The following SORCS2 variants were observed in gnomAD, a reference collection of about 807,000 sequenced individuals.
The protein encoded by SORCS2 is sortilin related VPS10 domain containing receptor 2, also known as VPS10 domain-containing receptor SorCS2.
Under a neutral mutation model 141.6 loss-of-function variants are expected in SORCS2, and 100 were observed. That is an observed-to-expected ratio of 0.71 (90% CI 0.60 to 0.83). The LOEUF (loss-of-function observed/expected upper bound fraction) is 0.83. Ranked by LOEUF, SORCS2 falls within the 40% of genes least tolerant of loss-of-function variation. The pLI is 0.00. For synonymous variants in SORCS2, 789 were observed against 676.9 expected, an observed-to-expected ratio of 1.17 and a Z score of -2.57; for missense variants, 1,646 against 1,560.2, an observed-to-expected ratio of 1.05 and a Z score of -0.93.
In SORCS2 at chr4:7,638,399, C is replaced by G. The variant is rs766354670; in HGVS notation, c.720C>G (p.Thr240=). The G allele has an allele frequency of 6.3e-7, 1 of 1,587,270 alleles. No homozygotes were observed. The highest frequency in any genetic ancestry group is 1.2e-5 in the South Asian group (1 of 86,640). Residue 240 remains threonine, a synonymous_variant, in exon 4 of 27, where the codon ACC becomes ACG. Coordinates refer to ENST00000507866, the MANE Select transcript of SORCS2 (RefSeq NM_020777.3). ...TCCTCAGCGCAGACGAAGGCGCCAC[C>G]TTTCAGAAGCAGCCCATTCCCTTCT... The part of the protein sequence containing the change: ...SLFLSADEGA[T]FQKQPIPFFV...
At chr4:7,194,610 G>A (rs1727057715) in intron 1 of SORCS2, among the ~76,000 whole-genome samples, 1 of 152,114 alleles carries the variant, frequency 6.6e-6, no homozygotes, top group Non-Finnish European at 1.5e-5. Context: ...GGCCAGCAGG[G>A]GGCAGTCAGG....
At chr4:7,651,771 G>A (rs1003791132) in intron 4 of SORCS2, among the ~76,000 whole-genome samples, 1 of 152,042 alleles carries the variant, frequency 6.6e-6, no homozygotes, top group Non-Finnish European at 1.5e-5. Flanking sequence ...CTTGACCCCC[G>A]CAGGGCCTGC....
At chr4:7,502,808 C>G (rs1732055270) in intron 2 of SORCS2, among the ~76,000 whole-genome samples, 1 of 152,254 alleles carries the variant, frequency 6.6e-6, no homozygotes, top group Admixed American at 6.5e-5. Flanking sequence ...GCCTTGCCCC[C>G]ACGGCATGCC....
chr4:7,710,886 C>T (rs909062081), intron 14 of SORCS2, among the ~76,000 whole-genome samples: 1 of 152,224 alleles, frequency 6.6e-6, no homozygotes, highest in South Asian at 2.1e-4. Context: ...CATTTCCCCA[C>T]TCCTCTGAGA....
At chr4:7,591,843 G>A (rs1716936534) in intron 3 of SORCS2, among the ~76,000 whole-genome samples, 1 of 152,158 alleles carries the variant, frequency 6.6e-6, no homozygotes, top group South Asian at 2.1e-4. Flanking sequence ...CTTGAGTCCC[G>A]CTGCCTGCGC....
chr4:7,376,084 T>C (rs529318048), intron 1 of SORCS2, among the ~76,000 whole-genome samples: 30 of 152,346 alleles, frequency 2.0e-4, no homozygotes, highest in African/African-American at 7.2e-4. Flanking sequence ...GAAGCAGTCC[T>C]TGGCACATGG....
chr4:7,708,951 C>T (rs1355684107), intron 14 of SORCS2, among the ~76,000 whole-genome samples: 1 of 152,158 alleles, frequency 6.6e-6, no homozygotes, highest in Non-Finnish European at 1.5e-5. Flanking sequence ...CTGGCCAGGC[C>T]CTGGATGCAT....
At chr4:7,291,801 G>A (rs956112381) in intron 1 of SORCS2, among the ~76,000 whole-genome samples, 11 of 152,170 alleles carry the variant, frequency 7.2e-5, no homozygotes, top group Admixed American at 3.3e-4. Flanking sequence ...TTATGGACAC[G>A]GAAGCCGATA....
At chr4:7,569,742 A>AT (rs1715258804) in intron 3 of SORCS2, among the ~76,000 whole-genome samples, 2 of 152,220 alleles carry the variant, frequency 1.3e-5, no homozygotes, top group South Asian at 4.1e-4. Context: ...CTCTACACAT[A>AT]TAATACAACA....
chr4:7,204,483 G>A (rs1055054809), intron 1 of SORCS2, among the ~76,000 whole-genome samples: 1 of 152,182 alleles, frequency 6.6e-6, no homozygotes, highest in Non-Finnish European at 1.5e-5. Context: ...CTCCAAAAGT[G>A]TTGAGATTGT....
chr4:7,235,120 C>A (rs1712174482), intron 1 of SORCS2, among the ~76,000 whole-genome samples: 1 of 152,222 alleles, frequency 6.6e-6, no homozygotes. Context: ...AGTGATTTCC[C>A]CTCCTGGAGC....
intron 3 of SORCS2, among the ~76,000 whole-genome samples, chr4:7,543,968 CCATCCACCCATCCGTCCATCCATCCACT>C (rs1577724978): frequency 6.8e-6 from 1 of 147,434 alleles, no homozygotes; most frequent in African/African-American, 2.5e-5. Flanking sequence ...ATCCATCCAT[CCATCCACCCATCCGTCCATCCATCCACT>C]CATCCATCCA....
intron 2 of SORCS2, among the ~76,000 whole-genome samples, chr4:7,524,246 G>C (rs1001437211): frequency 6.6e-6 from 1 of 152,174 alleles, no homozygotes; most frequent in African/African-American, 2.4e-5. Context: ...ATGTGAAATC[G>C]AGGCAGAGAG....
rs1335600333 is a variant in SORCS2 at position 7,682,759 on chromosome 4, G to A, written c.1358G>A (p.Gly453Glu). The change falls in exon 10 of 27, where the codon GGA becomes GAA. Residue 453 changes from glycine (G) to glutamate (E), a missense_variant. Coordinates refer to ENST00000507866, the MANE Select transcript of SORCS2 (RefSeq NM_020777.3). ...TTGTCCCAGGTCAGAGGGGTGAAAG[G>A]AGTCTTCCTGGCAAACCAAAAAATT... ...IDILEVRGVK[G>E]VFLANQKIDG... 1.9e-6 allele frequency: 3 copies of A among 1,610,970 alleles called. No homozygotes were observed. In the African/African-American group the frequency reaches 4.0e-5, roughly 22 times the overall value.
intron 3 of SORCS2, among the ~76,000 whole-genome samples, chr4:7,621,443 G>A (rs1719173432): frequency 6.7e-6 from 1 of 149,820 alleles, no homozygotes; most frequent in Admixed American, 6.6e-5. Flanking sequence ...GTGTGTCTAT[G>A]TGTGTGTCTG....
intron 3 of SORCS2, among the ~76,000 whole-genome samples, chr4:7,539,009 G>C (rs959387508): frequency 2.0e-5 from 3 of 152,204 alleles, no homozygotes; most frequent in African/African-American, 7.2e-5. Flanking sequence ...GGGTAAGGAT[G>C]CTCATGGGCC....
intron 1 of SORCS2, among the ~76,000 whole-genome samples, chr4:7,349,187 G>C (rs771458438): frequency 6.6e-6 from 1 of 152,186 alleles, no homozygotes; most frequent in African/African-American, 2.4e-5. Context: ...CTGGGGACCA[G>C]GGGCAGCATG....
At chr4:7,277,540 T>C (rs868535423) in intron 1 of SORCS2, among the ~76,000 whole-genome samples, 9 of 152,252 alleles carry the variant, frequency 5.9e-5, no homozygotes, top group Middle Eastern at 6.8e-3. Context: ...ATTTCTGGGG[T>C]AAGCTAAAGT....
chr4:7,571,691 G>T (rs1433776129), intron 3 of SORCS2, among the ~76,000 whole-genome samples: 1 of 152,112 alleles, frequency 6.6e-6, no homozygotes, highest in Non-Finnish European at 1.5e-5. Flanking sequence ...GAAATTGGGG[G>T]CCTGTGCTAG....
Sources: allele counts gnomAD v4.1 joint callset (sites outside exome capture counted in the v4.1 genomes callset), GRCh38; gene constraint gnomAD v4.1.1; transcripts MANE v1.5; gene names NCBI Gene and HGNC (gene_info 2026-07-23, HGNC 2026-07-21).